The following ZNF385C variants were observed in gnomAD, a reference collection of about 807,000 sequenced individuals.
ZNF385C encodes CTD-2132N18.2.
A neutral mutation model predicts 35.4 loss-of-function variants in ZNF385C; 28 were observed. That is an observed-to-expected ratio of 0.79 (90% CI 0.59 to 1.08). The LOEUF (loss-of-function observed/expected upper bound fraction) is 1.08, where lower values mean the gene tolerates loss of function less well. Ranked by LOEUF, ZNF385C falls within the 50% of genes least tolerant of loss-of-function variation. ZNF385C has a pLI of 0.00. For missense variants in ZNF385C, 605 were observed against 595.6 expected (o/e 1.02, Z -0.16); for synonymous variants, 248 against 248.2 (o/e 1.00, Z 0.01).
chr17:42,081,622 C>T (rs1598204022), intron 1 of ZNF385C, among the ~76,000 whole-genome samples: 1 of 152,140 alleles, frequency 6.6e-6, no homozygotes, highest in East Asian at 1.9e-4. Flanking sequence ...GTGACCTGCT[C>T]GCCTCAGCCT....
chr17:42,078,772 T>G (rs994205249), intron 1 of ZNF385C, among the ~76,000 whole-genome samples: 2 of 151,802 alleles, frequency 1.3e-5, no homozygotes, highest in African/African-American at 4.8e-5. Context: ...GGGGGTGGCC[T>G]CAGGGTTGTG....
intron 1 of ZNF385C, among the ~76,000 whole-genome samples, chr17:42,079,914 G>A (rs146967739): frequency 1.5e-3 from 234 of 152,262 alleles, no homozygotes; most frequent in African/African-American, 5.4e-3. Context: ...CCATCCCCAT[G>A]TCCAGGCTCC....
chr17:42,027,554 G>GGCCCCCCCCCCCCCCCCCCCCCCC, intron 8 of ZNF385C, 64 bp downstream of exon 8: 6 of 556,880 alleles, frequency 1.1e-5, no homozygotes, highest in Non-Finnish European at 1.6e-5. Context: ...CCCCCATCTG[G>GGCCCCCCCCCCCCCCCCCCCCCCC]CCCTCCCAGC....
In ZNF385C at chr17:42,050,476, C is replaced by A. The variant is rs1555657008; in HGVS notation, c.250+12331G>T. The A allele has an allele frequency of 6.6e-6, 1 of 152,184 alleles. No homozygotes were observed. The highest frequency in any genetic ancestry group is 1.5e-5 in the Non-Finnish European group (1 of 68,058). The allele number at this position is 152,184 out of a possible 1,614,324, so 9.4% of individuals were successfully genotyped here. On this transcript the variant is annotated intron_variant, in intron 2 of 8. Coordinates refer to ENST00000692273, the MANE Select transcript of ZNF385C (RefSeq NM_001392013.1). This position sits in a 1 kb window ranked among gnomAD's most constrained non-coding sequence, Gnocchi z 5.6. ...CGGTGGGTCCCGCAGAGGCACTGAG[C>A]CTCCGCCCGCCCGTCCCGCCCGCTC...
At chr17:42,045,331 G>A (rs1161287745) in intron 2 of ZNF385C, among the ~76,000 whole-genome samples, 8 of 152,374 alleles carry the variant, frequency 5.3e-5, no homozygotes, top group South Asian at 2.1e-4. Flanking sequence ...GATTACAGGC[G>A]TGCGCCACCG....
At chr17:42,084,607 A>T (rs1307052078) in intron 1 of ZNF385C, among the ~76,000 whole-genome samples, 2 of 152,016 alleles carry the variant, frequency 1.3e-5, no homozygotes, top group African/African-American at 4.8e-5. Context: ...TATCAATGAT[A>T]ATTTTATTTT....
intron 1 of ZNF385C, among the ~76,000 whole-genome samples, chr17:42,079,512 A>G (rs1211641982): frequency 6.6e-6 from 1 of 151,716 alleles, no homozygotes; most frequent in Non-Finnish European, 1.5e-5. Flanking sequence ...CAAAAAAAAA[A>G]AAAATTAGTT....
intron 2 of ZNF385C, chr17:42,043,132 G>C: frequency 8.1e-7 from 1 of 1,232,228 alleles, no homozygotes; most frequent in Non-Finnish European, 1.0e-6. Flanking sequence ...GTGGGCTCCT[G>C]AGGTCACGTG....
intron 1 of ZNF385C, among the ~76,000 whole-genome samples, chr17:42,089,639 A>G (rs1169703259): frequency 6.6e-6 from 1 of 152,184 alleles, no homozygotes; most frequent in Non-Finnish European, 1.5e-5. Context: ...CTTGACCACG[A>G]ATCTTTTTTT....
At chr17:42,065,670 G>T (rs2053537049) in intron 1 of ZNF385C, among the ~76,000 whole-genome samples, 1 of 152,178 alleles carries the variant, frequency 6.6e-6, no homozygotes, top group African/African-American at 2.4e-5. Flanking sequence ...AGCGATAAGG[G>T]CAGGAGCTCT....
rs535011363 is a variant in ZNF385C, at chr17:42,040,998, G to A, written c.251-3113C>T. 5.7e-6 allele frequency: 7 copies of A among 1,232,168 alleles called. No homozygotes were observed. In the South Asian group the frequency reaches 2.5e-4, roughly 43 times the overall value. 76.3% of individuals were successfully genotyped at this position (1,232,168 alleles called of 1,614,324 possible). The stretch of plus-strand genomic sequence containing the variant: ...CCAAGAGCTGGCCAGCAGTGGCCTC[G>A]CCCTCCTGTAGCTCCACACTGCCCA... On this transcript the variant is annotated intron_variant, in intron 2 of 8. Coordinates refer to ENST00000692273, the MANE Select transcript of ZNF385C (RefSeq NM_001392013.1).
At chr17:42,085,596 A>ATT (rs781825380) in intron 1 of ZNF385C, among the ~76,000 whole-genome samples, 22 of 107,596 alleles carry the variant, frequency 2.0e-4, no homozygotes, top group Admixed American at 2.9e-4. Flanking sequence ...TCTGCAAAAC[A>ATT]TTTTTTTTTT....
At position 42,026,880 on chromosome 17, in the gene ZNF385C, T is replaced by A; in HGVS notation, c.*17A>T. On this transcript the variant is annotated 3_prime_UTR_variant, in exon 9 of 9. Transcript: ENST00000692273. ...GGAGTGGCTATTGGGAAATCAGCTCTGGCCTCCCCATGAGGGCTAATAAGG... is the reference window on the plus strand; with the variant it reads ...GGAGTGGCTATTGGGAAATCAGCTCAGGCCTCCCCATGAGGGCTAATAAGG... The A allele has an allele frequency of 6.4e-7, 1 of 1,571,480 alleles. No individual in the cohort carries two copies. The highest frequency in any genetic ancestry group is 8.6e-7 in the Non-Finnish European group (1 of 1,157,396).
At position 42,095,487 on chromosome 17, in the gene ZNF385C, C is replaced by T. The variant is rs782368715; in HGVS notation, c.-3+2923G>A. 9.8e-5 allele frequency among the ~76,000 whole-genome samples: 15 copies of T among 152,306 alleles called. No homozygotes were observed. Among genetic ancestry groups the T allele is most frequent in the Non-Finnish European group, 1.3e-4 (9 of 68,028 alleles). Reference sequence around the variant, plus strand: ...CCTGGCTTTCCCCCAGGCTAGCTTCCATCCCTCCTGCTGCTGCGGCCCCAT... The same window carrying T: ...CCTGGCTTTCCCCCAGGCTAGCTTCTATCCCTCCTGCTGCTGCGGCCCCAT... On this transcript the variant is annotated intron_variant, in intron 1 of 8. Coordinates refer to ENST00000692273, the MANE Select transcript of ZNF385C (RefSeq NM_001392013.1). This position sits in a 1 kb window ranked among gnomAD's most constrained non-coding sequence, Gnocchi z 4.4.
intron 1 of ZNF385C, among the ~76,000 whole-genome samples, chr17:42,063,547 CAAA>C (rs1452597107): frequency 1.3e-5 from 2 of 151,942 alleles, no homozygotes; most frequent in African/African-American, 2.4e-5. Flanking sequence ...AAAAAACAAA[CAAA>C]AAACAAAAAC....
chr17:42,064,150 C>T (rs1475318521), intron 1 of ZNF385C, among the ~76,000 whole-genome samples: 1 of 151,606 alleles, frequency 6.6e-6, no homozygotes, highest in Non-Finnish European at 1.5e-5. Context: ...TCAAGTGGCC[C>T]CTCCAGGCCC....
Position 42,044,627 on chromosome 17 carries a change from A to G in ZNF385C, c.251-6742T>C, listed in dbSNP as rs549001585. ...GCAAAACTCTGTCTCAAAAAAAAAA[A>G]AAAGAAAGAAAAGAAATCAGCAGAA... On this transcript the variant is annotated intron_variant, in intron 2 of 8. Coordinates refer to ENST00000692273, the MANE Select transcript of ZNF385C (RefSeq NM_001392013.1). Among the ~76,000 whole-genome samples, 436 of 152,142 alleles carry G rather than the reference A, an allele frequency of 2.9e-3. 1 individual carries two copies. Among genetic ancestry groups the G allele is most frequent in the Non-Finnish European group, 5.5e-3 (375 of 67,966 alleles).
At chr17:42,051,631 C>T (rs1598192110) in intron 2 of ZNF385C, among the ~76,000 whole-genome samples, 1 of 152,248 alleles carries the variant, frequency 6.6e-6, no homozygotes, top group East Asian at 1.9e-4. Context: ...GGCTGGCCTG[C>T]TGCTGTGGAT....
chr17:42,050,336 C>T lies in ZNF385C; in HGVS notation c.251-12451G>A, dbSNP rs2053254580. 6.6e-6 allele frequency among the ~76,000 whole-genome samples: 1 copy of T among 152,210 alleles called. No individual in the cohort carries two copies. Among genetic ancestry groups the T allele is most frequent in the African/African-American group, 2.4e-5 (1 of 41,468 alleles). ...CAGACAGGGCCGGGCGCCCCCTGCT[C>T]TGACAGCCCTGGTGAGAAGGGGCTC... On this transcript the variant is annotated intron_variant, in intron 2 of 8. Coordinates refer to ENST00000692273, the MANE Select transcript of ZNF385C (RefSeq NM_001392013.1). The surrounding 1 kb of genome is among the most constrained non-coding windows in gnomAD (Gnocchi z 5.6).
Sources: gnomAD v4.1 joint callset for allele counts (sites outside exome capture counted in the v4.1 genomes callset) on GRCh38, gnomAD v4.1.1 for gene constraint, Gnocchi (gnomAD v3.1) non-coding constraint, MANE v1.5 for transcripts, NCBI Gene and HGNC (gene_info 2026-07-23, HGNC 2026-07-21) for gene names.